Variants in MSN observed in about 807,000 individuals in gnomAD.
MSN encodes the protein epididymis luminal protein 70.
A neutral mutation model predicts 48.0 loss-of-function variants in MSN; 2 were observed. The observed-to-expected ratio is 0.04, with a 90% confidence interval of 0.02 to 0.13. The LOEUF (loss-of-function observed/expected upper bound fraction) is 0.13, where lower values mean the gene tolerates loss of function less well. MSN is among the 10% of genes least tolerant of loss of function. The probability of loss-of-function intolerance (pLI) is 1.00; values close to 1 mark genes in which losing one functional copy is unlikely to be tolerated. For synonymous variants in MSN, 146 were observed against 166.9 expected (o/e 0.87, Z 0.97); for missense variants, 267 against 470.1 (o/e 0.57, Z 3.99).
chrX:65,695,081 C>CGT (rs752844911), intron 1 of MSN, among the ~76,000 whole-genome samples: 1,013 of 99,819 alleles, frequency 0.01, 3 homozygotes, highest in South Asian at 0.028. Flanking sequence ...TGTGTGTCTG[C>CGT]GTGTGTGTGT....
At chrX:65,684,289 C>T (rs2071089337) in intron 1 of MSN, among the ~76,000 whole-genome samples, 1 of 111,263 alleles carries the variant, frequency 9.0e-6, no homozygotes, top group African/African-American at 3.3e-5. Context: ...TTTAAATGCA[C>T]AGATAGTACA....
Position 65,738,967 on chromosome X carries a change from C to T in MSN, c.1345-3C>T, listed in dbSNP as rs763187566. The T allele has an allele frequency of 8.9e-5, 108 of 1,209,083 alleles. 2 individuals carry two copies. In the South Asian group the frequency reaches 1.8e-3, roughly 20 times the overall value. On this transcript the variant is annotated splice_polypyrimidine_tract_variant and splice_region_variant and intron_variant, in intron 11 of 12. Coordinates refer to ENST00000360270, the MANE Select transcript of MSN (RefSeq NM_002444.3). ...GTCTTTCTCTCCTTCTGTCACTGGACAGGCCCAGATGGTACAGGAAGACTT... is the reference window on the plus strand; with the variant it reads ...GTCTTTCTCTCCTTCTGTCACTGGATAGGCCCAGATGGTACAGGAAGACTT...
At chrX:65,614,768 A>T (rs1174935318) in intron 1 of MSN, among the ~76,000 whole-genome samples, 1 of 102,360 alleles carries the variant, frequency 9.8e-6, no homozygotes, top group African/African-American at 3.6e-5. Flanking sequence ...GTTAGTTACA[A>T]ATGTATACAT....
intron 1 of MSN, among the ~76,000 whole-genome samples, chrX:65,697,456 A>C (rs913169692): frequency 1.8e-5 from 2 of 111,806 alleles, no homozygotes; most frequent in East Asian, 5.6e-4. Flanking sequence ...CGAGCTGTTT[A>C]GAGAGGAGAG....
At chrX:65,688,092 C>A (rs1023004392) in intron 1 of MSN, among the ~76,000 whole-genome samples, 4 of 111,994 alleles carry the variant, frequency 3.6e-5, no homozygotes, top group Non-Finnish European at 7.5e-5. Flanking sequence ...TGGCATTGCC[C>A]TGTAATTTTT....
At chrX:65,715,570 T>C (rs1364036294) in intron 1 of MSN, among the ~76,000 whole-genome samples, 1 of 111,959 alleles carries the variant, frequency 8.9e-6, no homozygotes, top group Non-Finnish European at 1.9e-5. Context: ...TCCTAGATAT[T>C]TATTCTTTTG....
rs1175775775 is a variant in MSN, at chrX:65,616,780, G to T, written c.-22+28168G>T. Among the ~76,000 whole-genome samples, 3 of 107,869 alleles carry T rather than the reference G, an allele frequency of 2.8e-5. No individual in the cohort carries two copies. The Admixed American group carries it at 3.0e-4, about 11-fold the overall frequency. 93.7% of individuals were successfully genotyped at this position (107,869 alleles called of 115,157 possible). A position where few individuals can be genotyped will look rare whatever the true frequency, so the allele number is the denominator to read the frequency against. ...TGGTGAGAGAGGGCATCCCTGTCTT[G>T]TGCCAGTTTTTAAAGGGAATGCTTC... On this transcript the variant is annotated intron_variant, in intron 1 of 3. Transcript: ENST00000609672.
In MSN at chrX:65,605,766, C is replaced by G. The variant is rs1286922675; in HGVS notation, c.-22+17154C>G. Among the ~76,000 whole-genome samples, 6 of 111,430 alleles carry G rather than the reference C, an allele frequency of 5.4e-5. No individual in the cohort carries two copies. The Admixed American group carries it at 5.7e-4, about 11-fold the overall frequency. On this transcript the variant is annotated intron_variant, in intron 1 of 3. Transcript: ENST00000609672. ...CTCAAACCCATCACCACCTCCTCTC[C>G]TTACTAATCACCTGATTCACTCCTT...
intron 3 of MSN, 141 bp from the exon 4 acceptor site, chrX:65,729,294 TTTC>T (rs1437876447): frequency 1.7e-6 from 1 of 573,396 alleles, no homozygotes; most frequent in Non-Finnish European, 2.7e-6. Flanking sequence ...ATGTATTATT[TTTC>T]TTAATTACCA....
intron 1 of MSN, among the ~76,000 whole-genome samples, chrX:65,671,001 T>G (rs1421796991): frequency 2.2e-5 from 2 of 90,756 alleles, no homozygotes; most frequent in Non-Finnish European, 4.3e-5. Flanking sequence ...TTTTTTTCTT[T>G]TAGGATCACA....
intron 1 of MSN, among the ~76,000 whole-genome samples, chrX:65,673,892 G>A (rs2070969389): frequency 9.0e-6 from 1 of 111,618 alleles, no homozygotes; most frequent in Non-Finnish European, 1.9e-5. Flanking sequence ...CTCCAGTGTA[G>A]GGGAGGGATG....
At chrX:65,615,766 A>C (rs1391055857) in intron 1 of MSN, among the ~76,000 whole-genome samples, 1 of 111,196 alleles carries the variant, frequency 9.0e-6, no homozygotes, top group Non-Finnish European at 1.9e-5. Context: ...TGTTTTAGAC[A>C]TGAAGTCCAT....
chrX:65,737,791 G>A (rs1013956772), intron 10 of MSN, among the ~76,000 whole-genome samples: 2 of 98,262 alleles, frequency 2.0e-5, no homozygotes, highest in Admixed American at 1.9e-4. Context: ...CACAATTGTA[G>A]CTAAATAAGG....
At chrX:65,667,511 T>C (rs974369931), upstream of MSN, 7 of 491,322 alleles carry the variant, frequency 1.4e-5, no homozygotes, top group Non-Finnish European at 1.8e-5. Flanking sequence ...GCCCCCCACG[T>C]GGCCGCTGTG....
At chrX:65,738,861 C>T in intron 11 of MSN, 109 bp from the exon 12 acceptor site, 1 of 794,803 alleles carries the variant, frequency 1.3e-6, no homozygotes, top group Non-Finnish European at 1.8e-6. Context: ...GATGAAGTGC[C>T]TTGTCCTACC....
chrX:65,721,008 G>A (rs957957439), intron 2 of MSN, among the ~76,000 whole-genome samples: 16 of 111,940 alleles, frequency 1.4e-4, no homozygotes, highest in Admixed American at 1.3e-3. Context: ...TGCCACTAAA[G>A]GGCTGTGCTC....
intron 1 of MSN, among the ~76,000 whole-genome samples, chrX:65,713,287 T>A (rs1297374553): frequency 1.8e-5 from 2 of 111,894 alleles, no homozygotes; most frequent in Non-Finnish European, 3.8e-5. Context: ...TGGGCCTGTT[T>A]CTGCACCTTT....
chrX:65,597,289 T>C (rs2070194721), intron 1 of MSN, among the ~76,000 whole-genome samples: 1 of 108,931 alleles, frequency 9.2e-6, no homozygotes, highest in Admixed American at 9.9e-5. Flanking sequence ...ACTCCAGTGA[T>C]CCTCCCACCT....
At chrX:65,595,100 G>A (rs1193346627) in intron 1 of MSN, among the ~76,000 whole-genome samples, 1 of 111,811 alleles carries the variant, frequency 8.9e-6, no homozygotes, top group Admixed American at 9.5e-5. Context: ...CTCATGATTA[G>A]GTTCTCACTC....
Sources: gnomAD v4.1 joint callset for allele counts (sites outside exome capture counted in the v4.1 genomes callset) on GRCh38, gnomAD v4.1.1 for gene constraint, MANE v1.5 for transcripts, NCBI Gene and HGNC (gene_info 2026-07-23, HGNC 2026-07-21) for gene names.